PRG4: variants seen among roughly 807,000 people sequenced by gnomAD.
PRG4 encodes the protein proteoglycan 4, also known as articular superficial zone protein.
A neutral mutation model predicts 91.2 loss-of-function variants in PRG4; 61 were observed. The ratio of observed to expected loss-of-function variants is 0.67; its 90% CI spans 0.54 to 0.83. PRG4 has a LOEUF of 0.83. Ranked by LOEUF, PRG4 falls within the 40% of genes least tolerant of loss-of-function variation. PRG4 has a pLI of 0.00. For missense variants in PRG4, 1,564 were observed against 1,714.2 expected, an observed-to-expected ratio of 0.91 and a Z score of 1.55; for synonymous variants, 576 against 614.2, an observed-to-expected ratio of 0.94 and a Z score of 0.92.
At position 186,307,754 on chromosome 1, in the gene PRG4, G is replaced by A. The variant is rs1229024693; in HGVS notation, c.2035G>A (p.Glu679Lys). ...PKAAAPNTPKEPAPTTPKEPA... is the reference protein window; with the variant it reads ...PKAAAPNTPKKPAPTTPKEPA... ...GGCAGCGGCTCCCAACACCCCTAAG[G>A]AGCCTGCTCCAACTACCCCTAAGGA... Residue 679 changes from glutamate (E) to lysine (K), a missense_variant, in exon 7 of 13, where the codon GAG (glutamate) becomes AAG (lysine). By Grantham distance (56) the Glu-to-Lys change is moderately conservative. Transcript: ENST00000445192. 11 of 1,609,792 alleles carry A rather than the reference G, an allele frequency of 6.8e-6. No individual in the cohort carries two copies. The highest frequency in any genetic ancestry group is 1.7e-5 in the Admixed American group (1 of 59,742).
intron 7 of PRG4, 98 bp from the exon 8 acceptor site, chr1:186,309,695 G>A: frequency 1.1e-6 from 1 of 907,032 alleles, no homozygotes; most frequent in Admixed American, 1.8e-5. Flanking sequence ...CTTAGAAAAG[G>A]TAAACAGGAA....
intron 4 of PRG4, among the ~76,000 whole-genome samples, chr1:186,303,830 G>T (rs1339326392): frequency 6.6e-6 from 1 of 152,122 alleles, no homozygotes; most frequent in Non-Finnish European, 1.5e-5. Flanking sequence ...TTTGCCTAAG[G>T]TCACAATGGT....
chr1:186,298,070 G>GT (rs1370545739), intron 2 of PRG4, among the ~76,000 whole-genome samples: 1 of 152,098 alleles, frequency 6.6e-6, no homozygotes, highest in Non-Finnish European at 1.5e-5. Flanking sequence ...TTTTAATTGT[G>GT]ATTAAATAAA....
intron 5 of PRG4, 66 bp downstream of exon 5, chr1:186,304,323 A>G: frequency 2.0e-6 from 3 of 1,505,302 alleles, no homozygotes; most frequent in African/African-American, 2.8e-5. Context: ...GTGACTGCTT[A>G]TCTAAGCCCA....
At position 186,300,214 on chromosome 1, in the gene PRG4, G is replaced by C. The variant is rs771948190; in HGVS notation, c.199+1G>C. 2 of 1,613,990 alleles carry C rather than the reference G, an allele frequency of 1.2e-6. No homozygotes were observed. Among genetic ancestry groups the C allele is most frequent in the South Asian group, 2.2e-5 (2 of 91,064 alleles). ...GATTTCAAGAGAGTCTGCACTGCGG[G>C]TAAGTCCTGAGAGCGGGTGTCTCCT... On this transcript the variant is annotated splice_donor_variant, in intron 3 of 12. Transcript: ENST00000445192. LOFTEE classifies it high-confidence loss of function.
At position 186,313,706 on chromosome 1, in the gene PRG4, T is replaced by C. The variant is rs375456219; in HGVS notation, c.4143T>C (p.Pro1381=). ...SKDQYYNIDV[P]SRTARAITTR... Reference sequence around the variant, plus strand: ...ATCAATACTATAACATTGATGTGCCTAGTAGAACAGCAAGAGCAATTACTA... The same window carrying C: ...ATCAATACTATAACATTGATGTGCCCAGTAGAACAGCAAGAGCAATTACTA... Residue 1381 remains proline (P), a synonymous_variant, in exon 13 of 13, where the codon CCT becomes CCC. Transcript: ENST00000445192. 3 of 1,606,772 alleles carry C rather than the reference T, an allele frequency of 1.9e-6. No homozygotes were observed. The highest frequency in any genetic ancestry group is 1.7e-5 in the Admixed American group (1 of 59,996).
rs768350987 is a variant in PRG4, at chr1:186,300,076, A to G, written c.77-15A>G. The G allele has an allele frequency of 2.5e-6, 4 of 1,613,858 alleles. No individual in the cohort carries two copies. Among genetic ancestry groups the G allele is most frequent in the East Asian group, 4.5e-5 (2 of 44,888 alleles). On this transcript the variant is annotated splice_polypyrimidine_tract_variant and intron_variant, in intron 2 of 12. Transcript: ENST00000445192. Reference sequence around the variant, plus strand: ...GTGGTTTGGCCATATTTACGCCAGTATTGTATAATTTTAGATTTATCAAGC... The same window carrying G: ...GTGGTTTGGCCATATTTACGCCAGTGTTGTATAATTTTAGATTTATCAAGC...
chr1:186,310,134 TTG>T (rs1491502742), intron 8 of PRG4, among the ~76,000 whole-genome samples: 659 of 64,692 alleles, frequency 0.01, 5 homozygotes, highest in East Asian at 0.023. Flanking sequence ...TTCATTTTTT[TTG>T]GGGGGGGGGG....
chr1:186,296,939 G>A lies in PRG4; in HGVS notation c.64G>A (p.Val22Ile). The A allele has an allele frequency of 6.2e-7, 1 of 1,613,372 alleles. No homozygotes were observed. The highest frequency in any genetic ancestry group is 2.2e-5 in the East Asian group (1 of 44,858). ...LLLSVFVIQQVSSQDLSSCAG... is the reference protein window; with the variant it reads ...LLLSVFVIQQISSQDLSSCAG... ...GCTGTCTGTTTTCGTGATTCAGCAA[G>A]TTTCATCTCAAGGTAGCTTAACCAT... Residue 22 changes from valine (V) to isoleucine (I), a missense_variant, in exon 2 of 13, where the codon GTT becomes ATT. Val to Ile is a conservative substitution (Grantham distance 29, BLOSUM62 3). Around this residue, in one of 3 missense-constraint regions of PRG4, gnomAD observed 437 missense variants for 459.0 expected, o/e 0.95. Transcript: ENST00000445192.
intron 2 of PRG4, among the ~76,000 whole-genome samples, chr1:186,297,550 G>A (rs1655939519): frequency 6.6e-6 from 1 of 152,110 alleles, no homozygotes; most frequent in African/African-American, 2.4e-5. Context: ...CCCAAAACAG[G>A]TCCTGGATGA....
Position 186,314,070 on chromosome 1 carries a change from T to C in PRG4, c.*292T>C, listed in dbSNP as rs772045291. ...TCAAATTGAATATATCTTTTAAGAA[T>C]TCAAAACTAGTGTATTCACTTACCC... On this transcript the variant is annotated 3_prime_UTR_variant, in exon 13 of 13. Coordinates refer to ENST00000445192, the MANE Select transcript of PRG4 (RefSeq NM_005807.6). The C allele has an allele frequency of 6.4e-7, 1 of 1,569,456 alleles. No homozygotes were observed. The highest frequency in any genetic ancestry group is 1.1e-5 in the South Asian group (1 of 88,784).
chr1:186,301,742 C>T (rs560427455), intron 4 of PRG4, 31 bp downstream of exon 4: 2 of 1,608,038 alleles, frequency 1.2e-6, no homozygotes, highest in Admixed American at 3.3e-5. Context: ...CAATGCTTCT[C>T]AGTACAGCCA....
At chr1:186,301,268 A>G (rs527541308) in intron 3 of PRG4, among the ~76,000 whole-genome samples, 65 of 152,318 alleles carry the variant, frequency 4.3e-4, no homozygotes, top group African/African-American at 1.5e-3. Context: ...GAGATTTCAT[A>G]TGAAGGCTAT....
At chr1:186,303,806 G>A (rs1557932704) in intron 4 of PRG4, among the ~76,000 whole-genome samples, 2 of 152,196 alleles carry the variant, frequency 1.3e-5, no homozygotes, top group African/African-American at 2.4e-5. Context: ...AGAAGATGAA[G>A]TTCAAGATAA....
At chr1:186,309,669 C>G in intron 7 of PRG4, 124 bp from the exon 8 acceptor site, 1 of 745,470 alleles carries the variant, frequency 1.3e-6, no homozygotes, top group Non-Finnish European at 2.4e-6. Context: ...ACAGGTCAAA[C>G]TGTGTCCTTC....
At position 186,308,402 on chromosome 1, in the gene PRG4, G is replaced by A; in HGVS notation, c.2683G>A (p.Glu895Lys). 6.2e-7 allele frequency: 1 copy of A among 1,613,894 alleles called. No individual in the cohort carries two copies. ...AAAAGCTCTTGAAAACAGTCCCAAG[G>A]AACCTGGTGTACCTACAACTAAGAC... is the stretch of plus-strand genomic sequence containing the variant. ...TPKALENSPK[E>K]PGVPTTKTPA... is the part of the protein sequence containing the mutation. Residue 895 changes from glutamate to lysine, a missense_variant, in exon 7 of 13, where the codon GAA becomes AAA. Glu to Lys is a moderately conservative substitution (Grantham distance 56, BLOSUM62 1). Coordinates refer to ENST00000445192, the MANE Select transcript of PRG4 (RefSeq NM_005807.6).
Position 186,309,814 on chromosome 1 carries a change from G to C in PRG4, c.3443G>C (p.Gly1148Ala). The C allele has an allele frequency of 6.2e-7, 1 of 1,613,514 alleles. No individual in the cohort carries two copies. Among genetic ancestry groups the C allele is most frequent in the South Asian group, 1.1e-5 (1 of 91,082 alleles). Residue 1148 changes from glycine (G) to alanine (A), a missense_variant, in exon 8 of 13, where the codon GGT becomes GCT. Physicochemically the swap from Gly to Ala is moderately conservative, Grantham distance 60. Around this residue, in one of 3 missense-constraint regions of PRG4, gnomAD observed 1,079 missense variants for 1,162.2 expected, o/e 0.93. Coordinates refer to ENST00000445192, the MANE Select transcript of PRG4 (RefSeq NM_005807.6). ...TTAGATGAGACCAATATATGCAATG[G>C]TAAGCCAGTAGATGGACTGACTACT... Reference protein sequence around the residue: ...MLSDETNICNGKPVDGLTTLR... With the variant: ...MLSDETNICNAKPVDGLTTLR...
rs1194825425 is a variant in PRG4, at chr1:186,308,646, T to C, written c.2927T>C (p.Leu976Pro). Residue 976 changes from leucine to proline, a missense_variant, in exon 7 of 13, where the codon CTT becomes CCT. Leu to Pro is a moderately conservative substitution (Grantham distance 98). Coordinates refer to ENST00000445192, the MANE Select transcript of PRG4 (RefSeq NM_005807.6). ...ACCACACCATTCAAAATTACTACTCTTAAAACAACTACTCTTGCACCCAAA... is the reference window on the plus strand; with the variant it reads ...ACCACACCATTCAAAATTACTACTCCTAAAACAACTACTCTTGCACCCAAA... ...QDTTPFKITT[L>P]KTTTLAPKVT... 4 of 1,611,932 alleles carry C rather than the reference T, an allele frequency of 2.5e-6. No homozygotes were observed. In the Admixed American group the frequency reaches 6.7e-5, roughly 27 times the overall value.
chr1:186,313,735 G>T lies in PRG4; in HGVS notation c.4172G>T (p.Arg1391Leu). ...PSRTARAITT[R>L]SGQTLSKVWY... ...AGAACAGCAAGAGCAATTACTACTCGTTCTGGGCAGACCTTATCCAAAGTC... is the reference window on the plus strand; with the variant it reads ...AGAACAGCAAGAGCAATTACTACTCTTTCTGGGCAGACCTTATCCAAAGTC... Residue 1391 changes from arginine to leucine, a missense_variant, in exon 13 of 13, where the codon CGT (arginine) becomes CTT (leucine). By Grantham distance (102) the Arg-to-Leu change is moderately radical (BLOSUM62 -2). Around this residue, in one of 3 missense-constraint regions of PRG4, gnomAD observed 1,079 missense variants for 1,162.2 expected, o/e 0.93. Transcript: ENST00000445192. 6.2e-7 allele frequency: 1 copy of T among 1,610,128 alleles called. No homozygotes were observed. Among genetic ancestry groups the T allele is most frequent in the Non-Finnish European group, 8.5e-7 (1 of 1,176,580 alleles).
Sources: gnomAD v4.1 joint callset for allele counts (sites outside exome capture counted in the v4.1 genomes callset) on GRCh38, gnomAD v4.1.1 for gene constraint, gnomAD v4.1.1 regional missense constraint, MANE v1.5 for transcripts, NCBI Gene and HGNC (gene_info 2026-07-23, HGNC 2026-07-21) for gene names.